Variants in CHD9 observed in about 807,000 individuals in gnomAD.
CHD9 encodes chromodomain helicase DNA binding protein 9.
A neutral mutation model predicts 316.1 loss-of-function variants in CHD9; 77 were observed. The ratio of observed to expected loss-of-function variants is 0.24; its 90% CI spans 0.20 to 0.29. The LOEUF is 0.29. CHD9 is among the 10% of genes least tolerant of loss of function. The probability of loss-of-function intolerance (pLI) is 1.00; values close to 1 mark genes in which losing one functional copy is unlikely to be tolerated. For synonymous variants in CHD9, 1,129 were observed against 1,158.3 expected (o/e 0.97, Z 0.51); for missense variants, 2,763 against 3,438.1 (o/e 0.80, Z 4.91).
chr16:53,267,281 T>A lies in CHD9; in HGVS notation c.4321-13T>A, dbSNP rs749102149. The A allele has an allele frequency of 6.3e-7, 1 of 1,577,550 alleles. No homozygotes were observed. The highest frequency in any genetic ancestry group is 2.3e-5 in the East Asian group (1 of 43,946). ...TAAAAGTACCTTCAGGTAATAGCAG[T>A]TCTGTTTTACAGAACAGCTTGGTTA... is the stretch of plus-strand genomic sequence containing the variant. On this transcript the variant is annotated splice_polypyrimidine_tract_variant and intron_variant, in intron 20 of 38. Transcript: ENST00000447540.
chr16:53,147,553 G>A (rs1345211159), intron 1 of CHD9, among the ~76,000 whole-genome samples: 1 of 151,992 alleles, frequency 6.6e-6, no homozygotes, highest in Non-Finnish European at 1.5e-5. Context: ...TTAGTTTTAT[G>A]TACCTCTGTC....
intron 2 of CHD9, among the ~76,000 whole-genome samples, chr16:53,179,753 C>T (rs1463494343): frequency 3.3e-5 from 5 of 151,874 alleles, no homozygotes; most frequent in African/African-American, 1.2e-4. Context: ...AAAAATTAGC[C>T]TGGTGTGGTG....
At chr16:53,096,018 T>A (rs1346225896) in intron 1 of CHD9, among the ~76,000 whole-genome samples, 1 of 151,916 alleles carries the variant, frequency 6.6e-6, no homozygotes, top group East Asian at 1.9e-4. Flanking sequence ...GGTCAGTTGG[T>A]GGAGCAGTGG....
At chr16:53,259,976 T>A (rs1441371558) in intron 19 of CHD9, among the ~76,000 whole-genome samples, 2 of 152,232 alleles carry the variant, frequency 1.3e-5, no homozygotes, top group African/African-American at 4.8e-5. Flanking sequence ...GATATGTTTA[T>A]AATAATGAAG....
chr16:53,135,216 T>C (rs2039626672), intron 1 of CHD9, among the ~76,000 whole-genome samples: 1 of 152,184 alleles, frequency 6.6e-6, no homozygotes, highest in Non-Finnish European at 1.5e-5. Context: ...GAAAACCATA[T>C]GAGCTGAAAT....
At position 53,324,709 on chromosome 16, in the gene CHD9, G is replaced by A. The variant is rs780151512; in HGVS notation, c.8508G>A (p.Ser2836=). ...DVQNKNSDLG[S]SKSVEVKEED... ...AAAACAAAAACAGTGACTTAGGCTC[G>A]TCTAAGTCTGTAGAAGTAAAAGAAG... Residue 2836 remains serine (S), a synonymous_variant, in exon 39 of 39, where the codon TCG becomes TCA. Coordinates refer to ENST00000447540, the MANE Select transcript of CHD9 (RefSeq NM_001308319.2). The A allele has an allele frequency of 2.0e-5, 32 of 1,613,094 alleles. No homozygotes were observed. Among genetic ancestry groups the A allele is most frequent in the African/African-American group, 5.3e-5 (4 of 74,902 alleles).
chr16:53,264,943 T>A (rs1208456653), intron 20 of CHD9, among the ~76,000 whole-genome samples: 1 of 152,208 alleles, frequency 6.6e-6, no homozygotes, highest in Non-Finnish European at 1.5e-5. Flanking sequence ...GCTTTGTAGA[T>A]TATTTTAAGG....
intron 1 of CHD9, among the ~76,000 whole-genome samples, chr16:53,056,183 G>T (rs1298347295): frequency 6.6e-6 from 1 of 152,102 alleles, no homozygotes; most frequent in Non-Finnish European, 1.5e-5. Context: ...GAGCCGCTGC[G>T]CCCCGCTGAC....
chr16:53,149,721 A>AATAT (rs374772728), intron 1 of CHD9, among the ~76,000 whole-genome samples: 13 of 128,384 alleles, frequency 1.0e-4, no homozygotes, highest in African/African-American at 3.0e-4. Context: ...CTAATTTAAA[A>AATAT]ATATATATAT....
At chr16:53,238,810 A>G (rs569419580) in intron 12 of CHD9, among the ~76,000 whole-genome samples, 49 of 152,342 alleles carry the variant, frequency 3.2e-4, no homozygotes, top group African/African-American at 1.1e-3. Context: ...TGAAGTATGC[A>G]GATTTAAACA....
intron 1 of CHD9, among the ~76,000 whole-genome samples, chr16:53,097,186 C>T (rs751178140): frequency 3.9e-5 from 6 of 152,082 alleles, no homozygotes; most frequent in Non-Finnish European, 7.4e-5. Context: ...AATACACTTA[C>T]ATTTTGATTA....
chr16:53,287,539 C>T lies in CHD9; in HGVS notation c.5190-418C>T, dbSNP rs563901834. Reference sequence around the variant, plus strand: ...GGTCAGGAGTTCGAGACCAGCCTGGCCAACATGGTGAAACCCCGTCTCTAC... The same window carrying T: ...GGTCAGGAGTTCGAGACCAGCCTGGTCAACATGGTGAAACCCCGTCTCTAC... On this transcript the variant is annotated intron_variant, in intron 26 of 38. Coordinates refer to ENST00000447540, the MANE Select transcript of CHD9 (RefSeq NM_001308319.2). 6.6e-5 allele frequency among the ~76,000 whole-genome samples: 10 copies of T among 152,262 alleles called. No individual in the cohort carries two copies. The South Asian group carries it at 1.9e-3, about 28-fold the overall frequency.
chr16:53,229,151 A>G (rs191439318), intron 8 of CHD9, 51 bp downstream of exon 8: 3 of 843,448 alleles, frequency 3.6e-6, no homozygotes, highest in Non-Finnish European at 5.4e-6. Context: ...GAATACATGT[A>G]GCATTATTTA....
Position 53,068,620 on chromosome 16 carries a change from T to C in CHD9, c.-165+13543T>C, listed in dbSNP as rs79347411. On this transcript the variant is annotated intron_variant, in intron 1 of 38. Transcript: ENST00000447540. ...GGAACTGCCACAGCACCCACTCCAC[T>C]GTATTCCCTCATATTCTGCAGCCCT... 6.5e-3 allele frequency among the ~76,000 whole-genome samples: 991 copies of C among 152,302 alleles called. 11 individuals are homozygous for C. Among genetic ancestry groups the C allele is most frequent in the African/African-American group, 0.022 (933 of 41,564 alleles).
At chr16:53,280,681 T>TAA (rs76357065) in intron 24 of CHD9, among the ~76,000 whole-genome samples, 3 of 136,656 alleles carry the variant, frequency 2.2e-5, no homozygotes, top group African/African-American at 5.4e-5. Flanking sequence ...AAATACAATT[T>TAA]AAAAAAAAAA....
chr16:53,083,465 T>A (rs569309352), intron 1 of CHD9, among the ~76,000 whole-genome samples: 1 of 152,242 alleles, frequency 6.6e-6, no homozygotes, highest in African/African-American at 2.4e-5. Context: ...TTGCTTAAGG[T>A]TTTTTCCCCT....
At chr16:53,060,920 C>CTTTTTTT (rs549828992) in intron 1 of CHD9, among the ~76,000 whole-genome samples, 2 of 99,414 alleles carry the variant, frequency 2.0e-5, no homozygotes, top group African/African-American at 4.0e-5. Flanking sequence ...GATGTTGTCT[C>CTTTTTTT]TTTTTTTTTT....
intron 1 of CHD9, among the ~76,000 whole-genome samples, chr16:53,090,228 A>G (rs901811399): frequency 6.6e-6 from 1 of 152,194 alleles, no homozygotes; most frequent in Non-Finnish European, 1.5e-5. Context: ...TACCACCTTA[A>G]TTACCACTAA....
chr16:53,244,858 G>A lies in CHD9; in HGVS notation c.3055-478G>A, dbSNP rs374968764. Among the ~76,000 whole-genome samples, 10 of 152,196 alleles carry A rather than the reference G, an allele frequency of 6.6e-5. 1 individual carries two copies. Among genetic ancestry groups the A allele is most frequent in the Admixed American group, 2.0e-4 (3 of 15,280 alleles). Reference sequence around the variant, plus strand: ...CTTGAAAATTATGAGTCTGGGTACCGTGGCTCACACCTGTAATCCCAGCAC... The same window carrying A: ...CTTGAAAATTATGAGTCTGGGTACCATGGCTCACACCTGTAATCCCAGCAC... On this transcript the variant is annotated intron_variant, in intron 13 of 38. Coordinates refer to ENST00000447540, the MANE Select transcript of CHD9 (RefSeq NM_001308319.2).
Sources: gnomAD v4.1 joint callset for allele counts (sites outside exome capture counted in the v4.1 genomes callset) on GRCh38, gnomAD v4.1.1 for gene constraint, MANE v1.5 for transcripts, NCBI Gene and HGNC (gene_info 2026-07-23, HGNC 2026-07-21) for gene names.